Variants in NEMF observed in about 807,000 individuals in gnomAD.
NEMF encodes the protein nuclear export mediator factor.
Under a neutral mutation model 162.2 loss-of-function variants are expected in NEMF, and 89 were observed. The ratio of observed to expected loss-of-function variants is 0.55; its 90% CI spans 0.46 to 0.65. The LOEUF is 0.65. Among genes scored for constraint, NEMF ranks in the 30% least tolerant of loss-of-function variants. The pLI, the probability that NEMF is intolerant of heterozygous loss-of-function variation, is 0.00. For missense variants in NEMF, 1,133 were observed against 1,261.9 expected (o/e 0.90, Z 1.55); for synonymous variants, 421 against 404.5 (o/e 1.04, Z -0.49).
intron 1 of NEMF, 92 bp downstream of exon 1, chr14:49,852,603 G>A: frequency 4.3e-6 from 6 of 1,384,132 alleles, no homozygotes; most frequent in Non-Finnish European, 6.1e-6. Context: ...AGGAAATAAG[G>A]AAACATATCA....
intron 4 of NEMF, chr14:49,844,738 C>CACACAT: frequency 8.9e-6 from 1 of 112,570 alleles, no homozygotes; most frequent in Non-Finnish European, 2.2e-5. Context: ...CACGCGCGCG[C>CACACAT]ACACACACAC....
At chr14:49,822,475 C>T (rs1329794440) in intron 16 of NEMF, among the ~76,000 whole-genome samples, 3 of 149,832 alleles carry the variant, frequency 2.0e-5, no homozygotes, top group Admixed American at 6.7e-5. Context: ...GAGCCAAGAT[C>T]GCACCACTGC....
chr14:49,820,160 C>T, intron 16 of NEMF: 1 of 249,364 alleles, frequency 4.0e-6, no homozygotes, highest in South Asian at 3.8e-5. Context: ...CCTTATTGGC[C>T]AGGCTGGTCT....
intron 11 of NEMF, among the ~76,000 whole-genome samples, chr14:49,830,831 A>G (rs1340982713): frequency 1.3e-5 from 2 of 152,252 alleles, no homozygotes. Flanking sequence ...TGCTGGGAAA[A>G]TACTGTATAT....
intron 6 of NEMF, among the ~76,000 whole-genome samples, chr14:49,835,287 T>C (rs2139990035): frequency 6.6e-6 from 1 of 151,054 alleles, no homozygotes; most frequent in South Asian, 2.1e-4. Flanking sequence ...CTTACAAAAG[T>C]CAGTGCAAGT....
chr14:49,828,552 G>T, intron 14 of NEMF, 64 bp downstream of exon 14: 1 of 1,325,952 alleles, frequency 7.5e-7, no homozygotes, highest in Non-Finnish European at 1.0e-6. Flanking sequence ...TTTTTAAAAT[G>T]TCCTTAATTC....
At chr14:49,852,384 G>A (rs533527517) in intron 1 of NEMF, among the ~76,000 whole-genome samples, 3 of 152,342 alleles carry the variant, frequency 2.0e-5, no homozygotes, top group Non-Finnish European at 4.4e-5. Context: ...CCACTCTGGC[G>A]TCTCGTGTTT....
intron 6 of NEMF, among the ~76,000 whole-genome samples, chr14:49,836,942 G>C (rs1004165545): frequency 6.6e-6 from 1 of 152,074 alleles, no homozygotes; most frequent in African/African-American, 2.4e-5. Context: ...GGTCAGTGTG[G>C]AATTTTCCAC....
At chr14:49,799,358 C>T in intron 25 of NEMF, 117 bp downstream of exon 25, 1 of 810,582 alleles carries the variant, frequency 1.2e-6, no homozygotes. Flanking sequence ...TGTGCTAAAT[C>T]TTGGTAAATT....
At chr14:49,790,346 A>G (rs1257428357) in intron 26 of NEMF, among the ~76,000 whole-genome samples, 1 of 152,224 alleles carries the variant, frequency 6.6e-6, no homozygotes, top group African/African-American at 2.4e-5. Context: ...TACATCAACT[A>G]GAAAGACAGG....
rs1328406056 is a variant in NEMF, at chr14:49,819,778, T to C, written c.1578-4921A>G. The stretch of plus-strand genomic sequence containing the variant: ...GTTCTGAATGTTGATGTCCCTGAGG[T>C]AGAGCAATTGCATGTACCCAAAATC... On this transcript the variant is annotated intron_variant, in intron 16 of 32. Coordinates refer to ENST00000298310, the MANE Select transcript of NEMF (RefSeq NM_004713.6). Among the ~76,000 whole-genome samples the C allele has an allele frequency of 2.6e-5, 4 of 152,142 alleles. No homozygotes were observed. The East Asian group carries it at 5.8e-4, about 22-fold the overall frequency.
chr14:49,797,279 TCCCTTCCCTTCCG>T (rs1301927779), intron 25 of NEMF: 1 of 151,836 alleles, frequency 6.6e-6, no homozygotes, highest in African/African-American at 2.4e-5. Flanking sequence ...CAGTAGTTGT[TCCCTTCCCTTCCG>T]CCCTTCCCTT....
intron 16 of NEMF, 55 bp from the exon 17 acceptor site, chr14:49,814,912 A>C: frequency 1.0e-6 from 1 of 995,734 alleles, no homozygotes; most frequent in Non-Finnish European, 1.5e-6. Flanking sequence ...CTGAATTCAT[A>C]CCCTTTTTGC....
At chr14:49,808,534 T>G (rs544234343) in intron 18 of NEMF, among the ~76,000 whole-genome samples, 1 of 152,256 alleles carries the variant, frequency 6.6e-6, no homozygotes, top group South Asian at 2.1e-4. Flanking sequence ...TACTTATGAT[T>G]TTGGTATCAT....
chr14:49,815,823 G>T (rs532397738), intron 16 of NEMF, among the ~76,000 whole-genome samples: 2 of 152,170 alleles, frequency 1.3e-5, no homozygotes, highest in Admixed American at 1.3e-4. Context: ...AATTAGCCGG[G>T]TGTGGTGACA....
chr14:49,818,710 G>A (rs935269479), intron 16 of NEMF, among the ~76,000 whole-genome samples: 2 of 152,132 alleles, frequency 1.3e-5, no homozygotes, highest in African/African-American at 4.8e-5. Flanking sequence ...AGTAATATAT[G>A]TAAAATACAG....
chr14:49,812,787 A>C (rs546989758), intron 18 of NEMF, among the ~76,000 whole-genome samples: 1 of 152,040 alleles, frequency 6.6e-6, no homozygotes, highest in Admixed American at 6.6e-5. Flanking sequence ...AACAGTTTTA[A>C]ATGTATTGAG....
At chr14:49,840,335 G>C (rs910261985) in intron 5 of NEMF, among the ~76,000 whole-genome samples, 29 of 151,964 alleles carry the variant, frequency 1.9e-4, no homozygotes, top group Admixed American at 1.9e-3. Flanking sequence ...GGTGGCGCAC[G>C]CCTATAGTCC....
At chr14:49,786,235 A>G (rs1856478970) in intron 29 of NEMF, 1 of 159,768 alleles carries the variant, frequency 6.3e-6, no homozygotes, top group Admixed American at 6.0e-5. Flanking sequence ...CCCTAATGTT[A>G]ATAGTGCCAA....
Sources: allele counts gnomAD v4.1 joint callset (sites outside exome capture counted in the v4.1 genomes callset), GRCh38; gene constraint gnomAD v4.1.1; transcripts MANE v1.5; gene names NCBI Gene and HGNC (gene_info 2026-07-23, HGNC 2026-07-21).